The following PCDH9 variants were observed in gnomAD, a reference collection of about 807,000 sequenced individuals.
PCDH9 encodes the protein protocadherin-9.
Under a neutral mutation model 70.6 loss-of-function variants are expected in PCDH9, and 24 were observed. The ratio of observed to expected loss-of-function variants is 0.34; its 90% CI spans 0.25 to 0.48. The LOEUF (loss-of-function observed/expected upper bound fraction) is 0.48, where lower values mean the gene tolerates loss of function less well. Ranked by LOEUF, PCDH9 falls within the 20% of genes least tolerant of loss-of-function variation. The pLI, the probability that PCDH9 is intolerant of heterozygous loss-of-function variation, is 0.99. For synonymous variants in PCDH9, 562 were observed against 558.5 expected (o/e 1.01, Z -0.09); for missense variants, 1,281 against 1,503.6 (o/e 0.85, Z 2.45).
intron 2 of PCDH9, among the ~76,000 whole-genome samples, chr13:66,934,638 G>A (rs936150467): frequency 6.7e-6 from 1 of 149,258 alleles, no homozygotes; most frequent in Non-Finnish European, 1.5e-5. Flanking sequence ...TGTATGCTGA[G>A]GAAATTTTAG....
chr13:67,044,611 T>C (rs536948641), intron 2 of PCDH9, among the ~76,000 whole-genome samples: 2 of 152,172 alleles, frequency 1.3e-5, no homozygotes, highest in Non-Finnish European at 2.9e-5. Context: ...TGGAGTACCA[T>C]AAATGAAATG....
chr13:67,093,280 C>T (rs762774105), intron 2 of PCDH9, among the ~76,000 whole-genome samples: 3 of 152,030 alleles, frequency 2.0e-5, no homozygotes, highest in Non-Finnish European at 4.4e-5. Context: ...CATGGTGAAA[C>T]CCCATCTCTA....
At chr13:66,554,892 G>A (rs549725120) in intron 4 of PCDH9, among the ~76,000 whole-genome samples, 16 of 152,198 alleles carry the variant, frequency 1.1e-4, no homozygotes, top group Middle Eastern at 6.8e-3. Context: ...TCTTGCGGCC[G>A]GGCATGGTGT....
intron 2 of PCDH9, among the ~76,000 whole-genome samples, chr13:66,992,698 A>G (rs1482768406): frequency 6.6e-6 from 1 of 152,168 alleles, no homozygotes; most frequent in African/African-American, 2.4e-5. Context: ...ACAAGTTTGA[A>G]CTAGTCACAG....
chr13:66,456,141 T>C (rs1252199721), intron 4 of PCDH9, among the ~76,000 whole-genome samples: 1 of 152,182 alleles, frequency 6.6e-6, no homozygotes, highest in African/African-American at 2.4e-5. Context: ...TTTTATCTGA[T>C]GGTTATGCAT....
intron 3 of PCDH9, among the ~76,000 whole-genome samples, chr13:66,759,638 T>C (rs1444126694): frequency 1.1e-5 from 1 of 91,276 alleles, no homozygotes; most frequent in East Asian, 4.5e-4. Context: ...TTTCTTGTTT[T>C]TTACTTTTTG....
intron 2 of PCDH9, among the ~76,000 whole-genome samples, chr13:67,038,907 G>C (rs260155): frequency 1 from 152,292 of 152,292 alleles, 76,146 homozygotes; most frequent in Non-Finnish European, 1. Context: ...GTCCTGTACT[G>C]TGGCTTCACC....
At chr13:66,796,751 G>A (rs2080248237) in intron 3 of PCDH9, among the ~76,000 whole-genome samples, 1 of 152,044 alleles carries the variant, frequency 6.6e-6, no homozygotes, top group South Asian at 2.1e-4. Flanking sequence ...CAAAGCCTAG[G>A]AGATATAGAC....
At chr13:66,589,775 C>T (rs1190441094) in intron 4 of PCDH9, among the ~76,000 whole-genome samples, 1 of 151,958 alleles carries the variant, frequency 6.6e-6, no homozygotes, top group Non-Finnish European at 1.5e-5. Flanking sequence ...CCAAATAATA[C>T]TGCAGTTGAT....
intron 2 of PCDH9, among the ~76,000 whole-genome samples, chr13:67,027,101 T>G (rs1035988887): frequency 2.6e-5 from 4 of 151,792 alleles, no homozygotes; most frequent in East Asian, 1.9e-4. Context: ...GAGCCCGCAT[T>G]GCCAAGTCAA....
At chr13:66,972,646 C>G (rs1432181007) in intron 2 of PCDH9, among the ~76,000 whole-genome samples, 1 of 151,912 alleles carries the variant, frequency 6.6e-6, no homozygotes, top group African/African-American at 2.4e-5. Flanking sequence ...AATTTGTGGC[C>G]TAGCTATTGA....
At chr13:66,780,797 T>G (rs758873444) in intron 3 of PCDH9, among the ~76,000 whole-genome samples, 2 of 152,218 alleles carry the variant, frequency 1.3e-5, no homozygotes, top group Non-Finnish European at 2.9e-5. Flanking sequence ...CTTAGCTCAG[T>G]GCTTTATCTC....
At chr13:66,736,928 C>A (rs906291319) in intron 3 of PCDH9, among the ~76,000 whole-genome samples, 8 of 152,160 alleles carry the variant, frequency 5.3e-5, no homozygotes, top group Non-Finnish European at 1.2e-4. Context: ...CCTTCTTTAT[C>A]AGGCAACTTC....
chr13:66,533,016 A>G (rs1960535194), intron 4 of PCDH9, among the ~76,000 whole-genome samples: 1 of 152,164 alleles, frequency 6.6e-6, no homozygotes, highest in African/African-American at 2.4e-5. Context: ...CGGTCTTAGC[A>G]ACACATCTTT....
chr13:66,531,719 A>G (rs1266462375), intron 4 of PCDH9, among the ~76,000 whole-genome samples: 1 of 152,162 alleles, frequency 6.6e-6, no homozygotes, highest in Non-Finnish European at 1.5e-5. Flanking sequence ...AAAAACATTT[A>G]TTTTAAGCTT....
At chr13:66,629,062 A>C (rs1404224619) in intron 4 of PCDH9, among the ~76,000 whole-genome samples, 1 of 152,246 alleles carries the variant, frequency 6.6e-6, no homozygotes, top group Non-Finnish European at 1.5e-5. Context: ...CTGTACCCAG[A>C]ATTTTTGCAT....
intron 4 of PCDH9, among the ~76,000 whole-genome samples, chr13:66,514,533 G>T (rs897851030): frequency 6.6e-6 from 1 of 151,396 alleles, no homozygotes; most frequent in Non-Finnish European, 1.5e-5. Context: ...GTTGCTGAGT[G>T]TAAGTAGGAG....
intron 4 of PCDH9, among the ~76,000 whole-genome samples, chr13:66,405,558 C>A (rs1957266542): frequency 6.6e-6 from 1 of 152,066 alleles, no homozygotes; most frequent in Non-Finnish European, 1.5e-5. Flanking sequence ...GAGAAGGTGC[C>A]AAATACTCAT....
chr13:67,038,185 A>C (rs780334952), intron 2 of PCDH9, among the ~76,000 whole-genome samples: 2 of 152,218 alleles, frequency 1.3e-5, no homozygotes, highest in South Asian at 2.1e-4. Flanking sequence ...GACTAGAGAC[A>C]GAAATCACAA....
Sources: allele counts gnomAD v4.1 joint callset (sites outside exome capture counted in the v4.1 genomes callset), GRCh38; gene constraint gnomAD v4.1.1; transcripts MANE v1.5; gene names NCBI Gene and HGNC (gene_info 2026-07-23, HGNC 2026-07-21).